The following ILDR1 variants were observed in gnomAD, a reference collection of about 807,000 sequenced individuals.
ILDR1 encodes immunoglobulin like domain containing receptor 1, also known as immunoglobulin-like domain-containing receptor 1.
In ILDR1, 56 loss-of-function variants were observed where a neutral mutation model predicts 62.4. That is an observed-to-expected ratio of 0.90 (90% CI 0.72 to 1.12). The LOEUF (loss-of-function observed/expected upper bound fraction) is 1.12. Among genes scored for constraint, ILDR1 ranks in the 50% most tolerant of loss-of-function variants. The pLI is 0.00. For synonymous variants in ILDR1, 284 were observed against 277.8 expected, an observed-to-expected ratio of 1.02 and a Z score of -0.22; for missense variants, 736 against 710.6, an observed-to-expected ratio of 1.04 and a Z score of -0.41.
the ILDR1 span, among the ~76,000 whole-genome samples, chr3:122,028,146 T>C: frequency 1.3e-5 from 2 of 150,698 alleles, no homozygotes; most frequent in Admixed American, 6.6e-5. Context: ...GCTAACATGG[T>C]GAAACCCTGT....
the ILDR1 span, among the ~76,000 whole-genome samples, chr3:122,034,995 T>C: frequency 6.6e-6 from 1 of 152,112 alleles, no homozygotes; most frequent in African/African-American, 2.4e-5. Flanking sequence ...CAAGATGAGA[T>C]TTTGGTAGGG....
chr3:122,023,738 A>G (rs1450311044), upstream of ILDR1, among the ~76,000 whole-genome samples: 1 of 152,068 alleles, frequency 6.6e-6, no homozygotes, highest in African/African-American at 2.4e-5. Context: ...CCAAAGATAG[A>G]TGGTAAAATG....
the ILDR1 span, among the ~76,000 whole-genome samples, chr3:122,044,574 G>T: frequency 6.6e-6 from 1 of 151,330 alleles, no homozygotes; most frequent in East Asian, 1.9e-4. Flanking sequence ...GTAAACTATT[G>T]ATTATTGCCA....
chr3:122,047,473 C>T, the ILDR1 span, among the ~76,000 whole-genome samples: 2 of 152,256 alleles, frequency 1.3e-5, no homozygotes, highest in African/African-American at 4.8e-5. Flanking sequence ...GCTTTGTTTA[C>T]CTAAGCAAGC....
chr3:122,038,234 A>T, the ILDR1 span, among the ~76,000 whole-genome samples: 1 of 152,224 alleles, frequency 6.6e-6, no homozygotes, highest in Non-Finnish European at 1.5e-5. Context: ...ATAAGAACAG[A>T]ATATAGCTCA....
At chr3:122,009,061 GT>G (rs1429931400) in intron 1 of ILDR1, among the ~76,000 whole-genome samples, 1 of 151,692 alleles carries the variant, frequency 6.6e-6, no homozygotes, top group Non-Finnish European at 1.5e-5. Context: ...AGCCTCCCAA[GT>G]AGCTGAGACT....
At chr3:122,053,851 A>G in the ILDR1 span, among the ~76,000 whole-genome samples, 9 of 152,338 alleles carry the variant, frequency 5.9e-5, no homozygotes, top group Middle Eastern at 3.4e-3. Flanking sequence ...CTGAAAAATG[A>G]CATCCCATAC....
the ILDR1 span, among the ~76,000 whole-genome samples, chr3:122,044,702 C>T: frequency 7.3e-5 from 11 of 150,970 alleles, no homozygotes; most frequent in Middle Eastern, 3.5e-3. Flanking sequence ...AGTTTATTTG[C>T]GTAGAGGTGT....
chr3:122,038,444 A>G, the ILDR1 span, among the ~76,000 whole-genome samples: 5 of 152,208 alleles, frequency 3.3e-5, no homozygotes, highest in Non-Finnish European at 5.9e-5. Context: ...AACAAACTTC[A>G]AATCCAACTG....
Position 121,987,888 on chromosome 3 carries a change from T to C in ILDR1, c.*479A>G, listed in dbSNP as rs1316262003. The C allele has an allele frequency of 1.5e-5, 4 of 258,534 alleles. No individual in the cohort carries two copies. The Admixed American group carries it at 2.0e-4, about 13-fold the overall frequency. The allele number at this position is 258,534 out of a possible 1,614,324, so 16.0% of individuals were successfully genotyped here. On this transcript the variant is annotated 3_prime_UTR_variant, in exon 8 of 8. Coordinates refer to ENST00000344209, the MANE Select transcript of ILDR1 (RefSeq NM_001199799.2). ...CTACAGTTGGTAATTCCTCGAACTC[T>C]AACTTTTTTGTTTTTTGGCCTTTTG...
At position 121,994,174 on chromosome 3, in the gene ILDR1, G is replaced by T. The variant is rs1432300188; in HGVS notation, c.778+8C>A. ...CCTCCCCTATCCCAAATCTCTGGAA[G>T]AGTTTACCTCGCTGCAGCAGCGGGT... On this transcript the variant is annotated splice_region_variant and intron_variant, in intron 6 of 7. Coordinates refer to ENST00000344209, the MANE Select transcript of ILDR1 (RefSeq NM_001199799.2). 3.9e-6 allele frequency: 6 copies of T among 1,536,102 alleles called. No individual in the cohort carries two copies. The East Asian group carries it at 9.8e-5, about 25-fold the overall frequency.
At chr3:122,029,533 T>TATATATATATATATATATATATATATA in the ILDR1 span, among the ~76,000 whole-genome samples, 5 of 148,776 alleles carry the variant, frequency 3.4e-5, no homozygotes, top group African/African-American at 1.2e-4. Context: ...TATATATATA[T>TATATATATATATATATATATATATATA]TTAGGGGAAT....
chr3:122,039,132 C>G, the ILDR1 span, among the ~76,000 whole-genome samples: 1 of 151,052 alleles, frequency 6.6e-6, no homozygotes, highest in Non-Finnish European at 1.5e-5. Flanking sequence ...ATAACATACA[C>G]GTACTGAAAT....
At chr3:122,027,715 T>G in the ILDR1 span, among the ~76,000 whole-genome samples, 1 of 152,162 alleles carries the variant, frequency 6.6e-6, no homozygotes, top group Admixed American at 6.5e-5. Context: ...AAGAAAGAGA[T>G]AATTTGCATT....
At chr3:122,016,454 G>A (rs771553275) in intron 1 of ILDR1, among the ~76,000 whole-genome samples, 10 of 152,336 alleles carry the variant, frequency 6.6e-5, no homozygotes, top group Middle Eastern at 3.4e-3. Context: ...ATACATTCAT[G>A]CAAGATAGAC....
At chr3:122,017,331 G>A (rs1305119443) in intron 1 of ILDR1, among the ~76,000 whole-genome samples, 1 of 151,408 alleles carries the variant, frequency 6.6e-6, no homozygotes, top group African/African-American at 2.4e-5. Flanking sequence ...TTACAGGCGT[G>A]AGCCACCGTG....
At chr3:122,016,408 A>G (rs1415024919) in intron 1 of ILDR1, among the ~76,000 whole-genome samples, 1 of 152,270 alleles carries the variant, frequency 6.6e-6, no homozygotes, top group Non-Finnish European at 1.5e-5. Context: ...GTCTTGCACC[A>G]AGTGCACATT....
chr3:122,020,088 C>T (rs943435691), intron 1 of ILDR1, among the ~76,000 whole-genome samples: 4 of 152,200 alleles, frequency 2.6e-5, no homozygotes, highest in African/African-American at 9.6e-5. Flanking sequence ...GTTACTATAG[C>T]TCACATTTCT....
At chr3:122,015,816 T>C (rs920257028) in intron 1 of ILDR1, among the ~76,000 whole-genome samples, 4 of 151,922 alleles carry the variant, frequency 2.6e-5, no homozygotes, top group African/African-American at 9.7e-5. Flanking sequence ...CCAGAATCTC[T>C]CTCTCTCTCC....
Sources: allele counts gnomAD v4.1 joint callset (sites outside exome capture counted in the v4.1 genomes callset), GRCh38; gene constraint gnomAD v4.1.1; transcripts MANE v1.5; gene names NCBI Gene and HGNC (gene_info 2026-07-23, HGNC 2026-07-21).